Variants in VAV1 observed in about 807,000 individuals in gnomAD.
The protein encoded by VAV1 is proto-oncogene vav.
A neutral mutation model predicts 128.1 loss-of-function variants in VAV1; 33 were observed. The observed-to-expected ratio is 0.26, with a 90% CI of 0.20 to 0.34. VAV1 has a LOEUF of 0.34. Among genes scored for constraint, VAV1 ranks in the 10% least tolerant of loss-of-function variants. The probability of loss-of-function intolerance (pLI) is 1.00; values close to 1 mark genes in which losing one functional copy is unlikely to be tolerated. For synonymous variants in VAV1, 394 were observed against 409.8 expected, an observed-to-expected ratio of 0.96 and a Z score of 0.47; for missense variants, 715 against 1,093.7, an observed-to-expected ratio of 0.65 and a Z score of 4.88.
At chr19:6,809,536 G>A (rs1971470836) in intron 1 of VAV1, among the ~76,000 whole-genome samples, 1 of 152,178 alleles carries the variant, frequency 6.6e-6, no homozygotes, top group Admixed American at 6.6e-5. Flanking sequence ...TGGAGCAGAG[G>A]TGGGAGAGGT....
At chr19:6,847,283 C>G (rs1444295624) in intron 22 of VAV1, among the ~76,000 whole-genome samples, 1 of 152,126 alleles carries the variant, frequency 6.6e-6, no homozygotes, top group Non-Finnish European at 1.5e-5. Flanking sequence ...TCTCAGCACC[C>G]CCAAGAGAAA....
intron 1 of VAV1, among the ~76,000 whole-genome samples, chr19:6,796,941 A>C (rs1971148860): frequency 6.6e-6 from 1 of 152,100 alleles, no homozygotes; most frequent in Non-Finnish European, 1.5e-5. Flanking sequence ...GTGCTCAATA[A>C]ATATTTGCAT....
chr19:6,850,958 C>T (rs957727047), intron 24 of VAV1, among the ~76,000 whole-genome samples: 2 of 151,980 alleles, frequency 1.3e-5, no homozygotes, highest in Non-Finnish European at 2.9e-5. Flanking sequence ...ATTGACAGAG[C>T]ACTTAAGTGT....
chr19:6,821,256 C>G (rs994972657), intron 2 of VAV1, among the ~76,000 whole-genome samples: 2 of 151,956 alleles, frequency 1.3e-5, no homozygotes, highest in African/African-American at 4.8e-5. Context: ...AAAAAATTAG[C>G]TGGGTGTGGT....
chr19:6,826,017 T>A lies in VAV1; in HGVS notation c.828-595T>A, dbSNP rs1971908138. Among the ~76,000 whole-genome samples the A allele has an allele frequency of 6.6e-6, 1 of 150,668 alleles. No individual in the cohort carries two copies. The highest frequency in any genetic ancestry group is 2.4e-5 in the African/African-American group (1 of 40,840). On this transcript the variant is annotated intron_variant, in intron 8 of 26. Transcript: ENST00000602142. This position sits in a 1 kb window ranked among gnomAD's most constrained non-coding sequence, Gnocchi z 4.1. ...AAGATCATGCCACTGGACTCCAGCCTAGGCAACAGAGCAAGACTCTGTCTC... is the reference window on the plus strand; with the variant it reads ...AAGATCATGCCACTGGACTCCAGCCAAGGCAACAGAGCAAGACTCTGTCTC...
At chr19:6,821,947 G>T in intron 4 of VAV1, 88 bp downstream of exon 4, 4 of 1,545,394 alleles carry the variant, frequency 2.6e-6, no homozygotes, top group Non-Finnish European at 2.7e-6. Flanking sequence ...TGCCCTCCGG[G>T]AAATAAGGTC....
intron 24 of VAV1, among the ~76,000 whole-genome samples, chr19:6,852,130 C>A (rs1330802704): frequency 1.3e-5 from 2 of 152,194 alleles, no homozygotes; most frequent in African/African-American, 4.8e-5. Context: ...CCTCCCTCCT[C>A]AGCCTCCTGA....
intron 26 of VAV1, among the ~76,000 whole-genome samples, chr19:6,855,585 A>C (rs1298061113): frequency 1.3e-5 from 2 of 151,906 alleles, no homozygotes; most frequent in Non-Finnish European, 2.9e-5. Context: ...ACATTAATCT[A>C]TCCATTAATC....
chr19:6,786,924 T>C (rs2034545254), intron 1 of VAV1, among the ~76,000 whole-genome samples: 1 of 152,130 alleles, frequency 6.6e-6, no homozygotes, highest in African/African-American at 2.4e-5. Flanking sequence ...TAACAATCTA[T>C]ATAAAAATGA....
At chr19:6,838,392 TATCCATCCATCCATCCATCCATCC>T (rs60060059) in intron 21 of VAV1, among the ~76,000 whole-genome samples, 1 of 146,140 alleles carries the variant, frequency 6.8e-6, no homozygotes, top group Non-Finnish European at 1.5e-5. Context: ...TCAGTTCTTC[TATCCATCCATCCATCCATCCATCC>T]ATCCATCCAT....
At chr19:6,794,041 A>T (rs981361066) in intron 1 of VAV1, among the ~76,000 whole-genome samples, 1 of 142,782 alleles carries the variant, frequency 7.0e-6, no homozygotes, top group Non-Finnish European at 1.5e-5. Flanking sequence ...CCAACGGTAA[A>T]TGATTTATTT....
intron 19 of VAV1, 24 bp downstream of exon 19, chr19:6,833,977 TG>T: frequency 6.2e-7 from 1 of 1,613,904 alleles, no homozygotes; most frequent in Admixed American, 1.7e-5. Flanking sequence ...GGTTGCTGTG[TG>T]GGGGCAGGAG....
chr19:6,836,874 A>AG, intron 20 of VAV1, 111 bp from the exon 21 acceptor site: 1 of 594,652 alleles, frequency 1.7e-6, no homozygotes, highest in African/African-American at 1.8e-5. Context: ...ACACACACAC[A>AG]CACACGAGTG....
At chr19:6,817,362 C>A (rs1416487703) in intron 1 of VAV1, among the ~76,000 whole-genome samples, 1 of 151,912 alleles carries the variant, frequency 6.6e-6, no homozygotes, top group African/African-American at 2.4e-5. Flanking sequence ...TAGCACCCAG[C>A]CAAAAAATGC....
intron 21 of VAV1, among the ~76,000 whole-genome samples, chr19:6,839,352 AG>A (rs1972313081): frequency 6.6e-6 from 1 of 152,028 alleles, no homozygotes. Flanking sequence ...AAATTTGCAC[AG>A]CATAAAACTG....
rs139773795 is a variant in VAV1 at position 6,805,020 on chromosome 19, C to T, written c.205-15682C>T. ...TGCTGGGATTACAGGTGTGAGCCACCGCCCCCCGGCCCATACCTCCTTTTA... is the reference window on the plus strand; with the variant it reads ...TGCTGGGATTACAGGTGTGAGCCACTGCCCCCCGGCCCATACCTCCTTTTA... On this transcript the variant is annotated intron_variant, in intron 1 of 26. Coordinates refer to ENST00000602142, the MANE Select transcript of VAV1 (RefSeq NM_005428.4). Among the ~76,000 whole-genome samples the T allele has an allele frequency of 3.1e-3, 471 of 151,934 alleles. 4 individuals are homozygous for T. Among genetic ancestry groups the T allele is most frequent in the African/African-American group, 0.011 (437 of 41,452 alleles).
intron 1 of VAV1, among the ~76,000 whole-genome samples, chr19:6,814,105 G>C (rs1170111426): frequency 6.6e-6 from 1 of 152,040 alleles, no homozygotes; most frequent in East Asian, 1.9e-4. Flanking sequence ...ACAAAACACT[G>C]AGTCTTGCTA....
intron 1 of VAV1, among the ~76,000 whole-genome samples, chr19:6,790,773 T>A (rs879326904): frequency 5.9e-5 from 9 of 152,196 alleles, no homozygotes; most frequent in Non-Finnish European, 1.3e-4. Flanking sequence ...GTTTTAATTA[T>A]ATGCAAATCA....
Position 6,825,038 on chromosome 19 carries a change from C to T in VAV1, c.655-15C>T, listed in dbSNP as rs781711216. The T allele has an allele frequency of 9.9e-6, 16 of 1,613,874 alleles. No homozygotes were observed. The South Asian group carries it at 1.6e-4, about 17-fold the overall frequency. ...GAATCTTATCTTCCGTCATCTTTCT[C>T]TCCCTTCCCCGCAGCATTTCTTGAA... On this transcript the variant is annotated splice_polypyrimidine_tract_variant and intron_variant, in intron 6 of 26. Coordinates refer to ENST00000602142, the MANE Select transcript of VAV1 (RefSeq NM_005428.4).
Sources: allele counts gnomAD v4.1 joint callset (sites outside exome capture counted in the v4.1 genomes callset), GRCh38; gene constraint gnomAD v4.1.1; non-coding constraint Gnocchi (gnomAD v3.1); transcripts MANE v1.5; gene names NCBI Gene and HGNC (gene_info 2026-07-23, HGNC 2026-07-21).